CHST15: variants seen among roughly 807,000 people sequenced by gnomAD.
The protein encoded by CHST15 is B cell RAG associated protein (GALNAC4S-6ST).
CHST15 carries 30 observed loss-of-function variants against 53.6 expected under a neutral mutation model. The ratio of observed to expected loss-of-function variants is 0.56; its 90% confidence interval spans 0.42 to 0.76. The LOEUF is 0.76. Ranked by LOEUF, CHST15 falls within the 30% of genes least tolerant of loss-of-function variation. The pLI, the probability that CHST15 is intolerant of heterozygous loss-of-function variation, is 0.00. For missense variants in CHST15, 627 were observed against 740.5 expected, an observed-to-expected ratio of 0.85 and a Z score of 1.78; for synonymous variants, 296 against 289.8, an observed-to-expected ratio of 1.02 and a Z score of -0.22.
At chr10:124,011,628 G>C (rs1466186069) in intron 7 of CHST15, 2 of 985,430 alleles carry the variant, frequency 2.0e-6, no homozygotes, top group African/African-American at 3.5e-5. Flanking sequence ...GGCAGCACTC[G>C]CTCCGCCAGC....
At chr10:124,016,441 C>A (rs2133838265) in intron 6 of CHST15, among the ~76,000 whole-genome samples, 1 of 152,238 alleles carries the variant, frequency 6.6e-6, no homozygotes, top group Non-Finnish European at 1.5e-5. Context: ...GATTAAGGGA[C>A]AATCTGTTAC....
At chr10:124,016,111 T>A (rs1056741332) in intron 6 of CHST15, among the ~76,000 whole-genome samples, 4 of 152,118 alleles carry the variant, frequency 2.6e-5, no homozygotes, top group African/African-American at 9.7e-5. Flanking sequence ...GGGACCCTGC[T>A]CTGAGGCAGG....
chr10:124,050,006 G>C lies in CHST15; in HGVS notation c.-512-3282C>G, dbSNP rs1948135231. Among the ~76,000 whole-genome samples, 4 of 152,082 alleles carry C rather than the reference G, an allele frequency of 2.6e-5. No individual in the cohort carries two copies. The South Asian group carries it at 8.3e-4, about 32-fold the overall frequency. ...GGTTCTGGAGTTGGAGGATTTGCTG[G>C]TGTTGGAAAATACCCCTGGGCTGCG... On this transcript the variant is annotated intron_variant, in intron 1 of 7. Transcript: ENST00000435907.
chr10:124,054,862 T>C (rs1948322587), intron 1 of CHST15, among the ~76,000 whole-genome samples: 1 of 152,140 alleles, frequency 6.6e-6, no homozygotes, highest in Non-Finnish European at 1.5e-5. Flanking sequence ...CAAATTGATA[T>C]GTTGATTATT....
At chr10:124,056,790 C>T (rs1257493711) in intron 1 of CHST15, among the ~76,000 whole-genome samples, 1 of 151,674 alleles carries the variant, frequency 6.6e-6, no homozygotes, top group African/African-American at 2.4e-5. Context: ...CACTCCGCGG[C>T]CCAGGCCCGT....
chr10:124,078,092 G>A (rs879735195), intron 1 of CHST15, among the ~76,000 whole-genome samples: 2 of 152,198 alleles, frequency 1.3e-5, no homozygotes, highest in Non-Finnish European at 2.9e-5. Context: ...AAAACCACCT[G>A]CACTCAGAAA....
intron 1 of CHST15, among the ~76,000 whole-genome samples, chr10:124,057,253 CA>C (rs1247135655): frequency 3.9e-5 from 6 of 152,204 alleles, no homozygotes; most frequent in African/African-American, 1.4e-4. Flanking sequence ...AATACAAACT[CA>C]TTATCTTCAT....
At chr10:124,043,967 A>G (rs1047367346) in intron 3 of CHST15, among the ~76,000 whole-genome samples, 1 of 150,642 alleles carries the variant, frequency 6.6e-6, no homozygotes, top group African/African-American at 2.5e-5. Flanking sequence ...AGGGAGCAGC[A>G]CAGAGCAGGG....
intron 5 of CHST15, among the ~76,000 whole-genome samples, chr10:124,025,357 C>G (rs1946956075): frequency 6.6e-6 from 1 of 152,226 alleles, no homozygotes; most frequent in Admixed American, 6.5e-5. Flanking sequence ...GTCACATGTA[C>G]AGCCTTTGAG....
rs1032498368 is a variant in CHST15, at chr10:124,019,407, G to A, written c.1347+1849C>T. Among the ~76,000 whole-genome samples, 8 of 152,238 alleles carry A rather than the reference G, an allele frequency of 5.3e-5. No individual in the cohort carries two copies. The highest frequency in any genetic ancestry group is 3.9e-4 in the East Asian group (2 of 5,174). ...GAGAGTGGTTCTGGGTCACGAAGCC[G>A]GGTCGACAAGCTGTGCTGGTCAAGC... On this transcript the variant is annotated intron_variant, in intron 6 of 7. Transcript: ENST00000435907. This position sits in a 1 kb window ranked among gnomAD's most constrained non-coding sequence, Gnocchi z 4.6.
At chr10:124,022,038 A>G (rs903194908) in intron 5 of CHST15, among the ~76,000 whole-genome samples, 1 of 152,202 alleles carries the variant, frequency 6.6e-6, no homozygotes, top group Non-Finnish European at 1.5e-5. Context: ...GTTCCTAGAC[A>G]CCACACACAC....
At chr10:124,013,126 ACT>A (rs10556039) in intron 6 of CHST15, among the ~76,000 whole-genome samples, 8,842 of 152,168 alleles carry the variant, frequency 0.058, 667 homozygotes, top group African/African-American at 0.18. Context: ...CTCAGAGAGA[ACT>A]CGGGCCTTTC....
intron 1 of CHST15, among the ~76,000 whole-genome samples, chr10:124,049,090 A>C (rs1948101487): frequency 6.6e-6 from 1 of 152,212 alleles, no homozygotes; most frequent in South Asian, 2.1e-4. Context: ...ACTCAGATAC[A>C]GTGTTTTCTC....
At chr10:124,079,229 A>G (rs1949165940) in intron 1 of CHST15, among the ~76,000 whole-genome samples, 1 of 152,264 alleles carries the variant, frequency 6.6e-6, no homozygotes, top group Non-Finnish European at 1.5e-5. Flanking sequence ...GATGTATATT[A>G]CTGTCACAAC....
At chr10:124,051,633 C>G (rs1430539145) in intron 1 of CHST15, among the ~76,000 whole-genome samples, 2 of 152,212 alleles carry the variant, frequency 1.3e-5, no homozygotes, top group African/African-American at 4.8e-5. Flanking sequence ...CCCACCTGGG[C>G]TCAATTCTGA....
chr10:124,049,811 T>G (rs1043359377), intron 1 of CHST15, among the ~76,000 whole-genome samples: 5 of 152,228 alleles, frequency 3.3e-5, no homozygotes, highest in Admixed American at 2.0e-4. Flanking sequence ...TGTGGGACAC[T>G]CTTGCCTTTT....
intron 6 of CHST15, among the ~76,000 whole-genome samples, chr10:124,018,932 G>C (rs1200158147): frequency 1.3e-5 from 2 of 152,178 alleles, no homozygotes; most frequent in Non-Finnish European, 2.9e-5. Flanking sequence ...ATTGAATCAG[G>C]CATGGTAGGA....
At position 124,045,112 on chromosome 10, in the gene CHST15, C is replaced by CAAAAAAAAAAAAAAAAAAAA. The variant is rs758243657; in HGVS notation, c.547-213_547-194dup. ...TGCTTTCCTCTCCCCCGCCGCCCCA[C>CAAAAAAAAAAAAAAAAAAAA]AAAAAAAAAAAAAAAAAAAAAAAAA... is the stretch of plus-strand genomic sequence containing the variant. On this transcript the variant is annotated intron_variant, in intron 2 of 7. Coordinates refer to ENST00000435907, the MANE Select transcript of CHST15 (RefSeq NM_001270764.2). Among the ~76,000 whole-genome samples, 38 of 33,748 alleles carry CAAAAAAAAAAAAAAAAAAAA rather than the reference C, an allele frequency of 1.1e-3. 1 individual carries two copies. Among genetic ancestry groups the CAAAAAAAAAAAAAAAAAAAA allele is most frequent in the East Asian group, 2.5e-3 (2 of 808 alleles). 22.1% of individuals were successfully genotyped at this position (33,748 alleles called of 152,430 possible). A position where few individuals can be genotyped will look rare whatever the true frequency, so the allele number is the denominator to read the frequency against.
intron 1 of CHST15, among the ~76,000 whole-genome samples, chr10:124,052,412 T>C (rs1285474548): frequency 7.2e-5 from 11 of 152,166 alleles, no homozygotes; most frequent in Admixed American, 7.2e-4. Flanking sequence ...CCGTCAACAT[T>C]CACTGGCCCA....
Sources: allele counts gnomAD v4.1 joint callset (sites outside exome capture counted in the v4.1 genomes callset), GRCh38; gene constraint gnomAD v4.1.1; non-coding constraint Gnocchi (gnomAD v3.1); transcripts MANE v1.5; gene names NCBI Gene and HGNC (gene_info 2026-07-23, HGNC 2026-07-21).